The following CRACR2A variants were observed in gnomAD, a reference collection of about 807,000 sequenced individuals.
The protein encoded by CRACR2A is calcium release activated channel regulator 2A.
A neutral mutation model predicts 90.5 loss-of-function variants in CRACR2A; 79 were observed. The ratio of observed to expected loss-of-function variants is 0.87; its 90% CI spans 0.73 to 1.05. The LOEUF (loss-of-function observed/expected upper bound fraction) is 1.05, where lower values mean the gene tolerates loss of function less well. CRACR2A is among the 50% of genes least tolerant of loss of function. CRACR2A has a pLI of 0.00. For missense variants in CRACR2A, 823 were observed against 897.2 expected, an observed-to-expected ratio of 0.92 and a Z score of 1.06; for synonymous variants, 338 against 356.7, an observed-to-expected ratio of 0.95 and a Z score of 0.59.
Position 3,693,143 on chromosome 12 carries a change from G to A in CRACR2A, c.228+3629C>T, listed in dbSNP as rs1000572003. ...AAACCTGCCTGCACACACATGCACC[G>A]GCAAAGCAATGCGGGGGCTGCCGTG... On this transcript the variant is annotated intron_variant, in intron 4 of 19. Coordinates refer to ENST00000440314, the MANE Select transcript of CRACR2A (RefSeq NM_001144958.2). Among the ~76,000 whole-genome samples the A allele has an allele frequency of 3.3e-5, 5 of 152,202 alleles. No homozygotes were observed. In the South Asian group the frequency reaches 8.3e-4, roughly 25 times the overall value.
At chr12:3,725,513 G>C (rs1946249207) in intron 2 of CRACR2A, among the ~76,000 whole-genome samples, 1 of 152,106 alleles carries the variant, frequency 6.6e-6, no homozygotes, top group African/African-American at 2.4e-5. Flanking sequence ...AGATAACCCA[G>C]GATGATCTCA....
At chr12:3,687,940 C>G (rs983157650) in intron 4 of CRACR2A, among the ~76,000 whole-genome samples, 2 of 152,096 alleles carry the variant, frequency 1.3e-5, no homozygotes, top group African/African-American at 4.8e-5. Flanking sequence ...CTCTAGTGAT[C>G]AGTGATGACC....
chr12:3,668,478 C>A (rs1945185128), intron 7 of CRACR2A, among the ~76,000 whole-genome samples: 1 of 152,128 alleles, frequency 6.6e-6, no homozygotes. Flanking sequence ...TCTAAGCAAC[C>A]TACCATTCAA....
rs1165713745 is a variant in CRACR2A at position 3,638,401 on chromosome 12, C to T, written c.1325G>A (p.Gly442Asp). The T allele has an allele frequency of 1.9e-6, 3 of 1,550,266 alleles. No homozygotes were observed. Among genetic ancestry groups the T allele is most frequent in the East Asian group, 2.4e-5 (1 of 40,876 alleles). ...TTCTGTTAGGGGATATCCACTCAGG[C>T]CCAGGGAGCTTCTCCTTGGGATGCC... Reference protein sequence around the residue: ...VFGIPRRSSLGLSGYPLTEEE... With the variant: ...VFGIPRRSSLDLSGYPLTEEE... The change falls in exon 14 of 20, where the codon GGC (glycine) becomes GAC (aspartate). Residue 442 changes from glycine (G) to aspartate (D), a missense_variant. Gly to Asp is a moderately conservative substitution (Grantham distance 94). Coordinates refer to ENST00000440314, the MANE Select transcript of CRACR2A (RefSeq NM_001144958.2).
rs574369695 is a variant in CRACR2A, at chr12:3,618,523, C to T, written c.2034+748G>A. Among the ~76,000 whole-genome samples the T allele has an allele frequency of 8.5e-5, 13 of 152,306 alleles. No individual in the cohort carries two copies. The South Asian group carries it at 2.5e-3, about 29-fold the overall frequency. ...TAGTGACCCTCCATGTAGATACCTGCCAGGCCCTTCCTCCTCCTTTTTCCT... is the reference window on the plus strand; with the variant it reads ...TAGTGACCCTCCATGTAGATACCTGTCAGGCCCTTCCTCCTCCTTTTTCCT... On this transcript the variant is annotated intron_variant, in intron 18 of 19. Transcript: ENST00000440314.
At chr12:3,646,035 C>T (rs151198764) in intron 11 of CRACR2A, among the ~76,000 whole-genome samples, 100 of 152,058 alleles carry the variant, frequency 6.6e-4, no homozygotes, top group Middle Eastern at 3.4e-3. Context: ...GTACATCCAC[C>T]GTAACAGAGA....
rs1225634062 is a variant in CRACR2A, at chr12:3,638,531, T to A, written c.1272-77A>T. 4 of 1,428,846 alleles carry A rather than the reference T, an allele frequency of 2.8e-6. No individual in the cohort carries two copies. In the East Asian group the frequency reaches 1.0e-4, roughly 36 times the overall value. 88.5% of individuals were successfully genotyped at this position (1,428,846 alleles called of 1,614,324 possible). A position where few individuals can be genotyped will look rare whatever the true frequency, so the allele number is the denominator to read the frequency against. ...AATACGGGCTGCATAACAGCTTTTGTGACGAACAGATACCCAAGGAGCATC... is the reference window on the plus strand; with the variant it reads ...AATACGGGCTGCATAACAGCTTTTGAGACGAACAGATACCCAAGGAGCATC... On this transcript the variant is annotated intron_variant, in intron 13 of 19. Coordinates refer to ENST00000440314, the MANE Select transcript of CRACR2A (RefSeq NM_001144958.2).
At chr12:3,737,615 G>A (rs1321465376) in intron 1 of CRACR2A, among the ~76,000 whole-genome samples, 1 of 152,166 alleles carries the variant, frequency 6.6e-6, no homozygotes, top group Non-Finnish European at 1.5e-5. Flanking sequence ...GGCAATGGCA[G>A]CAGAAGTAGG....
At chr12:3,694,990 A>G (rs1451772856) in intron 4 of CRACR2A, among the ~76,000 whole-genome samples, 1 of 152,152 alleles carries the variant, frequency 6.6e-6, no homozygotes, top group Non-Finnish European at 1.5e-5. Flanking sequence ...GTTTCTGACT[A>G]TATTTCAAGT....
At chr12:3,682,679 C>T (rs1945478686) in intron 4 of CRACR2A, among the ~76,000 whole-genome samples, 1 of 152,126 alleles carries the variant, frequency 6.6e-6, no homozygotes, top group Admixed American at 6.6e-5. Context: ...TCTTAATAAC[C>T]ATAATTATCT....
At chr12:3,716,934 A>G (rs902527608) in intron 2 of CRACR2A, among the ~76,000 whole-genome samples, 2 of 151,782 alleles carry the variant, frequency 1.3e-5, no homozygotes, top group African/African-American at 4.8e-5. Flanking sequence ...ATTTTTTTTA[A>G]TAATATGCAT....
chr12:3,713,506 T>C (rs1316132989), intron 2 of CRACR2A, among the ~76,000 whole-genome samples, 189 bp from the exon 3 acceptor site: 2 of 152,064 alleles, frequency 1.3e-5, no homozygotes, highest in East Asian at 1.9e-4. Flanking sequence ...GATGAAGGAA[T>C]AGCGATGATA....
chr12:3,626,808 TCATAAA>T (rs1179869338), intron 17 of CRACR2A, among the ~76,000 whole-genome samples: 1 of 151,154 alleles, frequency 6.6e-6, no homozygotes. Context: ...CAAGTAGGAA[TCATAAA>T]CATAGAGTCT....
At chr12:3,728,703 G>A (rs1946311407) in intron 2 of CRACR2A, 1 of 152,320 alleles carries the variant, frequency 6.6e-6, no homozygotes, top group African/African-American at 2.4e-5. Context: ...CCAGCCCCCA[G>A]CTTACAGGAT....
chr12:3,666,344 T>C (rs967595221), intron 7 of CRACR2A, among the ~76,000 whole-genome samples: 5 of 137,614 alleles, frequency 3.6e-5, no homozygotes, highest in Non-Finnish European at 7.8e-5. Context: ...TGTGTGTGTG[T>C]GTGTGTGTGT....
At chr12:3,640,640 A>C in intron 13 of CRACR2A, 1 of 1,305,356 alleles carries the variant, frequency 7.7e-7, no homozygotes. Context: ...ATCAGGCCCA[A>C]AGGTTTTACT....
chr12:3,679,172 A>G, intron 5 of CRACR2A, 74 bp from the exon 6 acceptor site: 1 of 1,391,980 alleles, frequency 7.2e-7, no homozygotes, highest in African/African-American at 1.5e-5. Flanking sequence ...CTCACCTGCC[A>G]GGAATCATTG....
At chr12:3,741,152 G>C (rs1158685990) in intron 1 of CRACR2A, among the ~76,000 whole-genome samples, 1 of 152,122 alleles carries the variant, frequency 6.6e-6, no homozygotes, top group Non-Finnish European at 1.5e-5. Context: ...CTTTCTGTAG[G>C]CTTTAGTTCC....
chr12:3,656,776 T>C (rs1289230603), intron 8 of CRACR2A, among the ~76,000 whole-genome samples: 1 of 152,060 alleles, frequency 6.6e-6, no homozygotes, highest in African/African-American at 2.4e-5. Flanking sequence ...CATGTGCAAA[T>C]TGGGGGTGAC....
Sources: gnomAD v4.1 joint callset for allele counts (sites outside exome capture counted in the v4.1 genomes callset) on GRCh38, gnomAD v4.1.1 for gene constraint, MANE v1.5 for transcripts, NCBI Gene and HGNC (gene_info 2026-07-23, HGNC 2026-07-21) for gene names.